The following NXPH1 variants were observed in gnomAD, a reference collection of about 807,000 sequenced individuals.
NXPH1 encodes neurexophilin-1.
NXPH1 carries 5 observed loss-of-function variants against 23.7 expected under a neutral mutation model. That is an observed-to-expected ratio of 0.21 (90% CI 0.11 to 0.44). NXPH1 has a LOEUF of 0.44. Among genes scored for constraint, NXPH1 ranks in the 20% least tolerant of loss-of-function variants. The pLI, the probability that NXPH1 is intolerant of heterozygous loss-of-function variation, is 0.99. For synonymous variants in NXPH1, 144 were observed against 122.2 expected (o/e 1.18, Z -1.18); for missense variants, 324 against 321.6 (o/e 1.01, Z -0.06).
At position 8,726,915 on chromosome 7, in the gene NXPH1, A is replaced by C. The variant is rs1583248381; in HGVS notation, c.55-24093A>C. 2.0e-5 allele frequency among the ~76,000 whole-genome samples: 3 copies of C among 151,818 alleles called. No homozygotes were observed. The South Asian group carries it at 6.2e-4, about 32-fold the overall frequency. On this transcript the variant is annotated intron_variant, in intron 2 of 2. Coordinates refer to ENST00000405863, the MANE Select transcript of NXPH1 (RefSeq NM_152745.3). Reference sequence around the variant, plus strand: ...AGATCCCTGAGGAATCGCCACACTGACTTCCACAATGGTTGAACTAGTTTA... The same window carrying C: ...AGATCCCTGAGGAATCGCCACACTGCCTTCCACAATGGTTGAACTAGTTTA...
At chr7:8,705,964 C>G (rs1376415516) in intron 2 of NXPH1, among the ~76,000 whole-genome samples, 1 of 152,164 alleles carries the variant, frequency 6.6e-6, no homozygotes, top group African/African-American at 2.4e-5. Flanking sequence ...GAAGGAAAAG[C>G]CTCTGCAGCT....
rs144726164 is a variant in NXPH1 at position 8,520,073 on chromosome 7, G to T, written c.54+84306G>T. On this transcript the variant is annotated intron_variant, in intron 2 of 2. Coordinates refer to ENST00000405863, the MANE Select transcript of NXPH1 (RefSeq NM_152745.3). The stretch of plus-strand genomic sequence containing the variant: ...TATATTTTCATTATACAAAAAGAAT[G>T]GGGTTATAAACCCCAAATTCAAAAA... Among the ~76,000 whole-genome samples, 498 of 152,092 alleles carry T rather than the reference G, an allele frequency of 3.3e-3. 2 individuals are homozygous for T. The highest frequency in any genetic ancestry group is 0.011 in the African/African-American group (465 of 41,502).
chr7:8,683,457 T>C (rs148045655), intron 2 of NXPH1, among the ~76,000 whole-genome samples: 1 of 152,318 alleles, frequency 6.6e-6, no homozygotes, highest in African/African-American at 2.4e-5. Flanking sequence ...TCTATGATAC[T>C]TGTCATTGTG....
chr7:8,620,615 T>G (rs1407045068), intron 2 of NXPH1, among the ~76,000 whole-genome samples: 2 of 152,166 alleles, frequency 1.3e-5, no homozygotes, highest in Non-Finnish European at 2.9e-5. Flanking sequence ...AATGCTGGAA[T>G]TAAGGAGATC....
intron 2 of NXPH1, among the ~76,000 whole-genome samples, chr7:8,479,064 GT>G (rs1817028579): frequency 6.6e-6 from 1 of 152,032 alleles, no homozygotes; most frequent in Non-Finnish European, 1.5e-5. Flanking sequence ...TAAAAATACT[GT>G]TTGTTAACTG....
intron 2 of NXPH1, among the ~76,000 whole-genome samples, chr7:8,660,237 G>C (rs149830187): frequency 6.6e-6 from 1 of 152,058 alleles, no homozygotes; most frequent in Non-Finnish European, 1.5e-5. Flanking sequence ...TTTCTATTTT[G>C]CAAATAAGGA....
At chr7:8,696,792 G>C (rs1779527242) in intron 2 of NXPH1, among the ~76,000 whole-genome samples, 2 of 145,034 alleles carry the variant, frequency 1.4e-5, no homozygotes, top group African/African-American at 5.1e-5. Flanking sequence ...GGTGAGCCGA[G>C]ATCTTGCCAC....
intron 2 of NXPH1, among the ~76,000 whole-genome samples, chr7:8,683,790 C>A (rs1821096932): frequency 1.3e-5 from 2 of 151,986 alleles, no homozygotes; most frequent in African/African-American, 4.8e-5. Context: ...ATATTATGTT[C>A]AAGACACTAG....
At chr7:8,587,957 C>T (rs193217349) in intron 2 of NXPH1, among the ~76,000 whole-genome samples, 6 of 152,128 alleles carry the variant, frequency 3.9e-5, no homozygotes, top group African/African-American at 1.4e-4. Context: ...AGACACTTCT[C>T]AAAAGAAGAC....
At chr7:8,479,983 ATAAT>A (rs1243572619) in intron 2 of NXPH1, among the ~76,000 whole-genome samples, 4 of 152,238 alleles carry the variant, frequency 2.6e-5, no homozygotes, top group African/African-American at 4.8e-5. Flanking sequence ...AAGATAAAAA[ATAAT>A]TAATAAATAA....
intron 2 of NXPH1, among the ~76,000 whole-genome samples, chr7:8,570,005 T>G (rs1818615719): frequency 6.6e-6 from 1 of 151,934 alleles, no homozygotes; most frequent in South Asian, 2.1e-4. Flanking sequence ...GTTGGTACAA[T>G]GCCCAGCATT....
intron 2 of NXPH1, among the ~76,000 whole-genome samples, chr7:8,539,781 A>G (rs1818084585): frequency 6.6e-6 from 1 of 151,832 alleles, no homozygotes; most frequent in South Asian, 2.1e-4. Flanking sequence ...AGATACCATA[A>G]TAATGCATGA....
chr7:8,680,233 G>A (rs2115175966), intron 2 of NXPH1, among the ~76,000 whole-genome samples: 1 of 152,362 alleles, frequency 6.6e-6, no homozygotes, highest in South Asian at 2.1e-4. Flanking sequence ...AGATCCTGGG[G>A]ATATGAAGGT....
rs145018348 is a variant in NXPH1 at position 8,737,425 on chromosome 7, A to G, written c.55-13583A>G. On this transcript the variant is annotated intron_variant, in intron 2 of 2. Transcript: ENST00000405863. ...TGGCTGGATATGAAATCCTGGGTTG[A>G]AAATTCTTTTGTTTAAGAATGTTAA... is the stretch of plus-strand genomic sequence containing the variant. Among the ~76,000 whole-genome samples, 94 of 152,284 alleles carry G rather than the reference A, an allele frequency of 6.2e-4. 2 individuals are homozygous for G. In the East Asian group the frequency reaches 0.016, roughly 26 times the overall value.
rs567273009 is a variant in NXPH1, at chr7:8,634,060, T to C, written c.55-116948T>C. Among the ~76,000 whole-genome samples, 4 of 152,306 alleles carry C rather than the reference T, an allele frequency of 2.6e-5. No individual in the cohort carries two copies. The East Asian group carries it at 7.7e-4, about 29-fold the overall frequency. On this transcript the variant is annotated intron_variant, in intron 2 of 2. Coordinates refer to ENST00000405863, the MANE Select transcript of NXPH1 (RefSeq NM_152745.3). ...AGTTGAGTCTGATGTGAGGCTGAAA[T>C]CGAATCTGTCTCATGACAATTTCTA...
chr7:8,606,172 C>G (rs1029598902), intron 2 of NXPH1, among the ~76,000 whole-genome samples: 2 of 151,872 alleles, frequency 1.3e-5, no homozygotes, highest in East Asian at 3.9e-4. Flanking sequence ...ACTGTTTGTT[C>G]TATATATAAT....
At chr7:8,475,498 C>T (rs937076764) in intron 2 of NXPH1, among the ~76,000 whole-genome samples, 1 of 152,026 alleles carries the variant, frequency 6.6e-6, no homozygotes, top group African/African-American at 2.4e-5. Context: ...TAAAAAACAA[C>T]AATAGCCATG....
At chr7:8,470,921 G>T (rs1382970528) in intron 2 of NXPH1, among the ~76,000 whole-genome samples, 1 of 151,996 alleles carries the variant, frequency 6.6e-6, no homozygotes, top group East Asian at 1.9e-4. Context: ...ACATGGGAAT[G>T]GGATCTTATA....
At chr7:8,665,149 T>A (rs896963934) in intron 2 of NXPH1, among the ~76,000 whole-genome samples, 1 of 152,046 alleles carries the variant, frequency 6.6e-6, no homozygotes, top group African/African-American at 2.4e-5. Flanking sequence ...GTTTTACAGG[T>A]TCAGTTCTTA....
Sources: allele counts gnomAD v4.1 joint callset (sites outside exome capture counted in the v4.1 genomes callset), GRCh38; gene constraint gnomAD v4.1.1; transcripts MANE v1.5; gene names NCBI Gene and HGNC (gene_info 2026-07-23, HGNC 2026-07-21).